The following CAMTA1 variants were observed in gnomAD, a reference collection of about 807,000 sequenced individuals.
CAMTA1 encodes calmodulin binding transcription activator 1.
A neutral mutation model predicts 170.9 loss-of-function variants in CAMTA1; 27 were observed. That is an observed-to-expected ratio of 0.16 (90% confidence interval 0.12 to 0.22). The LOEUF (loss-of-function observed/expected upper bound fraction) is 0.22. Among genes scored for constraint, CAMTA1 ranks in the 10% least tolerant of loss-of-function variants. The pLI is 1.00. For synonymous variants in CAMTA1, 833 were observed against 891.5 expected, an observed-to-expected ratio of 0.93 and a Z score of 1.17; for missense variants, 1,619 against 2,217.2, an observed-to-expected ratio of 0.73 and a Z score of 5.42.
chr1:7,447,005 G>A (rs1257387784), intron 5 of CAMTA1, among the ~76,000 whole-genome samples: 1 of 152,218 alleles, frequency 6.6e-6, no homozygotes, highest in African/African-American at 2.4e-5. Flanking sequence ...CAAACCTGGA[G>A]CTGTCGGGGT....
intron 5 of CAMTA1, among the ~76,000 whole-genome samples, chr1:7,408,705 C>T (rs1198628812): frequency 6.6e-6 from 1 of 152,206 alleles, no homozygotes; most frequent in East Asian, 1.9e-4. Flanking sequence ...GCCCTGGGCG[C>T]CAGGCGGCCT....
rs1044402807 is a variant in CAMTA1 at position 7,456,868 on chromosome 1, C to T, written c.439-10962C>T. ...AGAGTGGCCAGGTTCCTGGACGTGA[C>T]CCTAAGCAGCAGGCGCTAGAGCTGA... On this transcript the variant is annotated intron_variant, in intron 5 of 22. Transcript: ENST00000303635. The surrounding 1 kb of genome is among the most constrained non-coding windows in gnomAD (Gnocchi z 4.9). 2.0e-5 allele frequency among the ~76,000 whole-genome samples: 3 copies of T among 151,956 alleles called. No individual in the cohort carries two copies. The highest frequency in any genetic ancestry group is 4.4e-5 in the Non-Finnish European group (3 of 68,030).
intron 6 of CAMTA1, among the ~76,000 whole-genome samples, chr1:7,568,314 T>A (rs1441699485): frequency 1.7e-5 from 2 of 117,750 alleles, no homozygotes; most frequent in African/African-American, 4.8e-5. Flanking sequence ...ACCACCACCA[T>A]CCCTCATCAG....
At chr1:7,054,444 T>C (rs1706978703) in intron 3 of CAMTA1, among the ~76,000 whole-genome samples, 3 of 152,238 alleles carry the variant, frequency 2.0e-5, no homozygotes, top group Admixed American at 2.0e-4. Flanking sequence ...TTCTCTATTT[T>C]TCTCTTTCAT....
chr1:7,646,357 GGTAAGTTGGATGGAGGCCATA>G (rs2095804495), intron 7 of CAMTA1, among the ~76,000 whole-genome samples: 2 of 146,100 alleles, frequency 1.4e-5, no homozygotes, highest in East Asian at 2.2e-4. Context: ...TGGAGGCCCT[GGTAAGTTGGATGGAGGCCATA>G]GTGAGTGTGG....
intron 6 of CAMTA1, among the ~76,000 whole-genome samples, chr1:7,530,588 G>T (rs764583305): frequency 6.6e-6 from 1 of 152,096 alleles, no homozygotes; most frequent in Non-Finnish European, 1.5e-5. Context: ...GCTGCCCGAG[G>T]CTGCACAGCA....
At chr1:7,108,643 G>T (rs1643840219) in intron 4 of CAMTA1, among the ~76,000 whole-genome samples, 1 of 152,202 alleles carries the variant, frequency 6.6e-6, no homozygotes, top group African/African-American at 2.4e-5. Flanking sequence ...AATAGGAGAT[G>T]GTGGTTAAGA....
chr1:6,837,148 G>T (rs1226946593), intron 3 of CAMTA1, among the ~76,000 whole-genome samples: 3 of 152,036 alleles, frequency 2.0e-5, no homozygotes, highest in African/African-American at 7.3e-5. Context: ...AGTAGAGATG[G>T]GGTTTCACTG....
intron 6 of CAMTA1, among the ~76,000 whole-genome samples, chr1:7,521,621 C>A (rs1428292992): frequency 6.6e-6 from 1 of 152,134 alleles, no homozygotes; most frequent in Non-Finnish European, 1.5e-5. Context: ...CAGCTCACTG[C>A]AACCTCTGCC....
At chr1:7,439,056 G>A (rs1021135961) in intron 5 of CAMTA1, among the ~76,000 whole-genome samples, 1 of 152,186 alleles carries the variant, frequency 6.6e-6, no homozygotes, top group Non-Finnish European at 1.5e-5. Flanking sequence ...AAGAGGGGCA[G>A]CTTCTGGCTG....
At chr1:7,116,883 A>G (rs1468396661) in intron 4 of CAMTA1, among the ~76,000 whole-genome samples, 1 of 150,860 alleles carries the variant, frequency 6.6e-6, no homozygotes, top group African/African-American at 2.4e-5. Flanking sequence ...CGATCTCCTG[A>G]CCTCGTGATC....
At chr1:6,917,367 G>A (rs1290177803) in intron 3 of CAMTA1, among the ~76,000 whole-genome samples, 1 of 152,146 alleles carries the variant, frequency 6.6e-6, no homozygotes, top group Non-Finnish European at 1.5e-5. Flanking sequence ...CAGCTGATGA[G>A]ATATCTGACT....
intron 6 of CAMTA1, among the ~76,000 whole-genome samples, chr1:7,601,596 G>T (rs1290147828): frequency 6.6e-6 from 1 of 152,220 alleles, no homozygotes; most frequent in Admixed American, 6.5e-5. Context: ...AGGCAGCTGG[G>T]AGGTGGAGGT....
chr1:7,282,072 A>G (rs988888288), intron 5 of CAMTA1, among the ~76,000 whole-genome samples: 35 of 152,138 alleles, frequency 2.3e-4, no homozygotes, highest in African/African-American at 8.2e-4. Context: ...TTATTTTGCA[A>G]TGAGGGAGAT....
At chr1:6,961,894 T>G (rs1261742728) in intron 3 of CAMTA1, among the ~76,000 whole-genome samples, 2 of 152,166 alleles carry the variant, frequency 1.3e-5, no homozygotes, top group Non-Finnish European at 2.9e-5. Flanking sequence ...TGCGCCTTGC[T>G]CAGAGGTTGT....
At chr1:7,012,666 C>G (rs7543531) in intron 3 of CAMTA1, among the ~76,000 whole-genome samples, 6 of 152,014 alleles carry the variant, frequency 3.9e-5, no homozygotes, top group Non-Finnish European at 7.4e-5. Context: ...CTGTGACGCA[C>G]TTCCTTCCCT....
chr1:7,749,806 A>T (rs1397724368), intron 19 of CAMTA1: 5 of 456,374 alleles, frequency 1.1e-5, no homozygotes, highest in African/African-American at 4.0e-5. Context: ...TGATACACCC[A>T]AGCCCTCTCA....
intron 5 of CAMTA1, among the ~76,000 whole-genome samples, chr1:7,296,593 G>T (rs1401044876): frequency 1.3e-5 from 2 of 152,154 alleles, no homozygotes; most frequent in Non-Finnish European, 2.9e-5. Flanking sequence ...CCAAAGTTGG[G>T]TGCCTAAGAA....
chr1:7,575,487 G>T (rs1238575467), intron 6 of CAMTA1, among the ~76,000 whole-genome samples: 1 of 152,222 alleles, frequency 6.6e-6, no homozygotes, highest in Admixed American at 6.5e-5. Context: ...TTTGCAGATG[G>T]CCTGTCATGT....
Sources: gnomAD v4.1 joint callset for allele counts (sites outside exome capture counted in the v4.1 genomes callset) on GRCh38, gnomAD v4.1.1 for gene constraint, Gnocchi (gnomAD v3.1) non-coding constraint, MANE v1.5 for transcripts, NCBI Gene and HGNC (gene_info 2026-07-23, HGNC 2026-07-21) for gene names.